ABR: variants seen among roughly 807,000 people sequenced by gnomAD.
ABR encodes ABR activator of RhoGEF and GTPase, also known as active breakpoint cluster region-related protein.
Under a neutral mutation model 107.2 loss-of-function variants are expected in ABR, and 35 were observed. That is an observed-to-expected ratio of 0.33 (90% confidence interval 0.25 to 0.43). The LOEUF (loss-of-function observed/expected upper bound fraction) is 0.43, where lower values mean the gene tolerates loss of function less well. Among genes scored for constraint, ABR ranks in the 20% least tolerant of loss-of-function variants. The probability of loss-of-function intolerance (pLI) is 1.00; values close to 1 mark genes in which losing one functional copy is unlikely to be tolerated. For missense variants in ABR, 815 were observed against 1,115.2 expected (o/e 0.73, Z 3.83); for synonymous variants, 498 against 462.0 (o/e 1.08, Z -1.00).
chr17:1,159,166 G>T (rs1226792564), intron 1 of ABR, among the ~76,000 whole-genome samples: 1 of 152,288 alleles, frequency 6.6e-6, no homozygotes, highest in Non-Finnish European at 1.5e-5. Context: ...AGGAGTCCAA[G>T]AGAAGTAGGA....
At chr17:1,064,493 CTG>C (rs2034456992) in intron 10 of ABR, among the ~76,000 whole-genome samples, 1 of 108,464 alleles carries the variant, frequency 9.2e-6, no homozygotes, top group African/African-American at 3.4e-5. Flanking sequence ...CCTCTAGACA[CTG>C]TTGTTATGTG....
At chr17:1,041,210 G>A (rs1344373607) in intron 16 of ABR, among the ~76,000 whole-genome samples, 1 of 152,098 alleles carries the variant, frequency 6.6e-6, no homozygotes, top group Non-Finnish European at 1.5e-5. Flanking sequence ...GAACCACCGT[G>A]CCTGGCCTAA....
In ABR at chr17:1,010,221, G is replaced by A; in HGVS notation, c.2237-437C>T. 1 of 241,122 alleles carries A rather than the reference G, an allele frequency of 4.1e-6. No individual in the cohort carries two copies. The highest frequency in any genetic ancestry group is 8.2e-6 in the Non-Finnish European group (1 of 121,544). The allele number at this position is 241,122 out of a possible 1,614,324, so 14.9% of individuals were successfully genotyped here. A position where few individuals can be genotyped will look rare whatever the true frequency, so the allele number is the denominator to read the frequency against. ...GGGCTGAAGCTCCAGTCTGCCCCAGGAGCAGAGAAGGCTGAAGGGATTCCT... is the reference window on the plus strand; with the variant it reads ...GGGCTGAAGCTCCAGTCTGCCCCAGAAGCAGAGAAGGCTGAAGGGATTCCT... On this transcript the variant is annotated intron_variant, in intron 20 of 22. Transcript: ENST00000302538. The surrounding 1 kb of genome is among the most constrained non-coding windows in gnomAD (Gnocchi z 4.1).
intron 1 of ABR, among the ~76,000 whole-genome samples, chr17:1,193,310 C>G (rs1293498619): frequency 6.6e-6 from 1 of 151,814 alleles, no homozygotes; most frequent in Non-Finnish European, 1.5e-5. Flanking sequence ...GACTCCCCCG[C>G]TCTCCCGGCG....
rs372417191 is a variant in ABR, at chr17:1,101,923, C to T, written c.247-1188G>A. 5.7e-4 allele frequency among the ~76,000 whole-genome samples: 87 copies of T among 152,060 alleles called. 1 individual carries two copies. In the East Asian group the frequency reaches 0.012, roughly 22 times the overall value. ...TAACTTTTTGTATTTTTAGTAGAGC[C>T]GGGATTTCACCGTGTTAGCCAGGAT... On this transcript the variant is annotated intron_variant, in intron 2 of 22. Transcript: ENST00000302538.
chr17:1,081,517 G>A (rs901573024), intron 5 of ABR, among the ~76,000 whole-genome samples: 2 of 152,212 alleles, frequency 1.3e-5, no homozygotes, highest in African/African-American at 2.4e-5. Context: ...GGTAAGAGGC[G>A]TGGGCTCTGT....
In ABR at chr17:1,009,800, G is replaced by C; in HGVS notation, c.2237-16C>G. 6.2e-7 allele frequency: 1 copy of C among 1,609,812 alleles called. No individual in the cohort carries two copies. The highest frequency in any genetic ancestry group is 8.5e-7 in the Non-Finnish European group (1 of 1,176,418). ...TCTGACAGGGCTGTGGGAGAGAAGG[G>C]CCAGTGTGGCGTTTGGCTCCTGGGG... is the stretch of plus-strand genomic sequence containing the variant. On this transcript the variant is annotated splice_polypyrimidine_tract_variant and intron_variant, in intron 20 of 22. Transcript: ENST00000302538.
rs530464950 is a variant in ABR at position 1,186,638 on chromosome 17, G to A, written c.-78+162C>T. Among the ~76,000 whole-genome samples, 6 of 152,280 alleles carry A rather than the reference G, an allele frequency of 3.9e-5. No homozygotes were observed. In the East Asian group the frequency reaches 5.8e-4, roughly 15 times the overall value. Reference sequence around the variant, plus strand: ...CGCTGGCTTAGATTATGCACTCCCCGAGCCACCGTTTTAGGAGGGTCTCTC... The same window carrying A: ...CGCTGGCTTAGATTATGCACTCCCCAAGCCACCGTTTTAGGAGGGTCTCTC... On this transcript the variant is annotated intron_variant, in intron 1 of 22. Coordinates refer to the ABR transcript ENST00000544583.
intron 1 of ABR, among the ~76,000 whole-genome samples, chr17:1,141,045 G>A (rs1358989448): frequency 6.6e-6 from 1 of 152,162 alleles, no homozygotes; most frequent in Non-Finnish European, 1.5e-5. Context: ...ACATGATGTA[G>A]GTTAAAGAAC....
At chr17:1,152,462 G>A (rs1018884078) in intron 1 of ABR, among the ~76,000 whole-genome samples, 18 of 151,212 alleles carry the variant, frequency 1.2e-4, no homozygotes, top group South Asian at 8.4e-4. Context: ...GTGGTGGTGC[G>A]TGCCTGTAAT....
chr17:1,185,442 C>T (rs369347715), intron 1 of ABR, among the ~76,000 whole-genome samples: 4 of 151,932 alleles, frequency 2.6e-5, no homozygotes, highest in Non-Finnish European at 4.4e-5. Flanking sequence ...GTCAGGAGTT[C>T]GAGACCAGCC....
chr17:1,061,191 GTGTTGAC>G (rs2033882395), intron 10 of ABR, among the ~76,000 whole-genome samples: 2 of 152,122 alleles, frequency 1.3e-5, no homozygotes, highest in South Asian at 2.1e-4. Flanking sequence ...GGCTCACTGA[GTGTTGAC>G]TGTTGACTCG....
chr17:1,134,241 C>A (rs190816474), intron 1 of ABR, among the ~76,000 whole-genome samples: 48 of 152,162 alleles, frequency 3.2e-4, no homozygotes, highest in Middle Eastern at 3.4e-3. Context: ...GATGAAACCC[C>A]GTCTGTACTA....
At chr17:1,021,051 C>T (rs980780686) in intron 16 of ABR, among the ~76,000 whole-genome samples, 6 of 152,162 alleles carry the variant, frequency 3.9e-5, no homozygotes, top group Admixed American at 1.3e-4. Flanking sequence ...GTTTCCACCA[C>T]CTCCCCTCCC....
chr17:1,012,969 G>A (rs2070757062), intron 17 of ABR, 136 bp downstream of exon 17: 3 of 1,159,466 alleles, frequency 2.6e-6, no homozygotes, highest in East Asian at 5.0e-5. Context: ...GGCAGGAGGG[G>A]AGAGGGGGCT....
chr17:1,021,054 C>G (rs2071583943), intron 16 of ABR, among the ~76,000 whole-genome samples: 1 of 152,172 alleles, frequency 6.6e-6, no homozygotes. Flanking sequence ...TCCACCACCT[C>G]CCCTCCCACA....
chr17:1,010,574 C>T lies in ABR; in HGVS notation c.2236+155G>A, dbSNP rs2070447611. ...TGCACCAGGTCCCAGCAGGCCACAC[C>T]TCACCCTCGGACCCCTCAGCCACAG... On this transcript the variant is annotated intron_variant, in intron 20 of 22. Transcript: ENST00000302538. The surrounding 1 kb of genome is among the most constrained non-coding windows in gnomAD (Gnocchi z 4.1). 9.8e-7 allele frequency: 1 copy of T among 1,017,424 alleles called. No individual in the cohort carries two copies. The allele number at this position is 1,017,424 out of a possible 1,614,324, so 63.0% of individuals were successfully genotyped here.
chr17:1,018,243 C>T (rs62068329), intron 16 of ABR, among the ~76,000 whole-genome samples: 5,398 of 150,702 alleles, frequency 0.036, 118 homozygotes, highest in Middle Eastern at 0.083. Flanking sequence ...GGGGTTTCAC[C>T]GTGTTAGCCA....
chr17:1,050,242 C>T lies in ABR; in HGVS notation c.1660-61G>A. On this transcript the variant is annotated intron_variant, in intron 15 of 22. Transcript: ENST00000302538. The surrounding 1 kb of genome is among the most constrained non-coding windows in gnomAD (Gnocchi z 4.6). ...GAAGCTGGGAGGCCTGGCTTTCCGGCAGGTGCGTGCCTCAGCTTTGCAAGG... is the reference window on the plus strand; with the variant it reads ...GAAGCTGGGAGGCCTGGCTTTCCGGTAGGTGCGTGCCTCAGCTTTGCAAGG... 3.2e-6 allele frequency: 5 copies of T among 1,568,162 alleles called. No individual in the cohort carries two copies. The highest frequency in any genetic ancestry group is 2.2e-5 in the East Asian group (1 of 44,670).
Sources: allele counts gnomAD v4.1 joint callset (sites outside exome capture counted in the v4.1 genomes callset), GRCh38; gene constraint gnomAD v4.1.1; non-coding constraint Gnocchi (gnomAD v3.1); transcripts MANE v1.5; gene names NCBI Gene and HGNC (gene_info 2026-07-23, HGNC 2026-07-21).